Variants in ERG observed in about 807,000 individuals in gnomAD.
ERG encodes the protein ETS transcription factor ERG, also known as transcriptional regulator ERG.
In ERG, 9 loss-of-function variants were observed where a neutral mutation model predicts 55.3. That is an observed-to-expected ratio of 0.16 (90% CI 0.10 to 0.28). The LOEUF is 0.28. Ranked by LOEUF, ERG falls within the 10% of genes least tolerant of loss-of-function variation. The pLI is 1.00. For synonymous variants in ERG, 223 were observed against 237.3 expected (o/e 0.94, Z 0.55); for missense variants, 434 against 631.6 (o/e 0.69, Z 3.35).
intron 1 of ERG, among the ~76,000 whole-genome samples, chr21:38,591,928 T>A (rs953681520): frequency 1.3e-5 from 2 of 152,212 alleles, no homozygotes; most frequent in Non-Finnish European, 2.9e-5. Context: ...AAAGCAGGTA[T>A]GTTTATAGAC....
intron 2 of ERG, among the ~76,000 whole-genome samples, chr21:38,543,309 T>C (rs902877052): frequency 6.6e-6 from 1 of 151,886 alleles, no homozygotes; most frequent in Non-Finnish European, 1.5e-5. Flanking sequence ...TCTCATTCTA[T>C]TTACCAATAT....
At chr21:38,490,851 G>A (rs992541856) in intron 1 of ERG, among the ~76,000 whole-genome samples, 4 of 152,182 alleles carry the variant, frequency 2.6e-5, no homozygotes, top group Admixed American at 6.5e-5. Flanking sequence ...TCCGTTGCAC[G>A]GAAGATAAGG....
upstream of ERG, among the ~76,000 whole-genome samples, chr21:38,587,602 C>T (rs746430163): frequency 5.3e-5 from 8 of 152,102 alleles, no homozygotes; most frequent in East Asian, 1.9e-4. Context: ...GTGATCCACC[C>T]GCCTCGGCCA....
chr21:38,467,930 G>C (rs1330450817), intron 1 of ERG, among the ~76,000 whole-genome samples: 1 of 152,170 alleles, frequency 6.6e-6, no homozygotes, highest in Non-Finnish European at 1.5e-5. Context: ...CCAACTCATG[G>C]CCATGCATGC....
chr21:38,398,751 C>T (rs1988347763), intron 6 of ERG, among the ~76,000 whole-genome samples: 1 of 152,178 alleles, frequency 6.6e-6, no homozygotes, highest in African/African-American at 2.4e-5. Flanking sequence ...CTGTCTTAAC[C>T]AGGTAGCATC....
intron 1 of ERG, among the ~76,000 whole-genome samples, chr21:38,632,464 T>A (rs2060362503): frequency 6.6e-6 from 1 of 152,220 alleles, no homozygotes; most frequent in South Asian, 2.1e-4. Context: ...AAGTCTCACC[T>A]TGAATTGTAA....
intron 2 of ERG, among the ~76,000 whole-genome samples, chr21:38,531,417 A>G (rs887556014): frequency 6.6e-6 from 1 of 152,150 alleles, no homozygotes; most frequent in Non-Finnish European, 1.5e-5. Context: ...CACCATTTAC[A>G]GTGTTTGAGC....
chr21:38,400,968 T>A (rs1311976141), intron 5 of ERG, among the ~76,000 whole-genome samples: 1 of 152,276 alleles, frequency 6.6e-6, no homozygotes, highest in African/African-American at 2.4e-5. Context: ...TAAAAAATTA[T>A]ATGGTACATG....
At chr21:38,440,894 C>T (rs1264062459) in intron 2 of ERG, among the ~76,000 whole-genome samples, 3 of 151,872 alleles carry the variant, frequency 2.0e-5, no homozygotes, top group Non-Finnish European at 4.4e-5. Context: ...CAACCTCTGG[C>T]TGAGATGAGT....
chr21:38,601,144 G>T (rs1205896339), intron 1 of ERG, among the ~76,000 whole-genome samples: 1 of 152,148 alleles, frequency 6.6e-6, no homozygotes, highest in African/African-American at 2.4e-5. Flanking sequence ...TGACAGGATG[G>T]AACGGTCAGT....
intron 3 of ERG, among the ~76,000 whole-genome samples, chr21:38,415,090 C>T (rs1409207436): frequency 6.6e-6 from 1 of 152,202 alleles, no homozygotes; most frequent in East Asian, 1.9e-4. Context: ...TTCCTGTGTT[C>T]TCCCCTGGGT....
At chr21:38,419,045 G>A (rs2146492567) in intron 3 of ERG, among the ~76,000 whole-genome samples, 1 of 151,980 alleles carries the variant, frequency 6.6e-6, no homozygotes, top group South Asian at 2.1e-4. Flanking sequence ...TGTCACACTT[G>A]TCAGGCCCCT....
chr21:38,410,158 C>T (rs551810147), intron 3 of ERG, among the ~76,000 whole-genome samples: 17 of 152,342 alleles, frequency 1.1e-4, no homozygotes, highest in African/African-American at 3.4e-4. Context: ...GCATTGCAAA[C>T]TCTGCTAAAA....
intron 1 of ERG, among the ~76,000 whole-genome samples, chr21:38,643,580 C>T (rs977937172): frequency 1.3e-5 from 2 of 152,196 alleles, no homozygotes; most frequent in Admixed American, 1.3e-4. Flanking sequence ...TCAGGTGTTC[C>T]GCAAAACAAA....
intron 3 of ERG, among the ~76,000 whole-genome samples, chr21:38,410,283 T>A (rs1220934854): frequency 6.6e-6 from 1 of 152,246 alleles, no homozygotes; most frequent in Non-Finnish European, 1.5e-5. Context: ...AGATGAATCA[T>A]AAGCCATTGA....
chr21:38,644,819 G>A (rs900981353), intron 1 of ERG, among the ~76,000 whole-genome samples: 31 of 152,256 alleles, frequency 2.0e-4, no homozygotes, highest in African/African-American at 6.5e-4. Flanking sequence ...GAATACAGAT[G>A]TGATCTTCAT....
intron 1 of ERG, among the ~76,000 whole-genome samples, chr21:38,467,397 G>A (rs2059100604): frequency 6.6e-6 from 1 of 152,120 alleles, no homozygotes; most frequent in Admixed American, 6.5e-5. Context: ...AAAAGCAGGT[G>A]GAAACCAAAG....
intron 3 of ERG, among the ~76,000 whole-genome samples, chr21:38,405,014 C>T (rs1988695433): frequency 6.6e-6 from 1 of 152,092 alleles, no homozygotes; most frequent in Non-Finnish European, 1.5e-5. Flanking sequence ...TTCGCTTCTC[C>T]CTCCCTTTCT....
At chr21:38,430,315 C>T (rs958359826) in intron 2 of ERG, among the ~76,000 whole-genome samples, 5 of 152,088 alleles carry the variant, frequency 3.3e-5, no homozygotes, top group Non-Finnish European at 5.9e-5. Context: ...GGATATTAGT[C>T]CTTTGTCAAA....
Sources: allele counts gnomAD v4.1 joint callset (sites outside exome capture counted in the v4.1 genomes callset), GRCh38; gene constraint gnomAD v4.1.1; transcripts MANE v1.5; gene names NCBI Gene and HGNC (gene_info 2026-07-23, HGNC 2026-07-21).